SYT14: variants seen among roughly 807,000 people sequenced by gnomAD.
The protein encoded by SYT14 is synaptotagmin 14.
In SYT14, 32 loss-of-function variants were observed where a neutral mutation model predicts 74.2. The observed-to-expected ratio is 0.43, with a 90% CI of 0.33 to 0.58. The LOEUF is 0.58. Ranked by LOEUF, SYT14 falls within the 20% of genes least tolerant of loss-of-function variation. The pLI, the probability that SYT14 is intolerant of heterozygous loss-of-function variation, is 0.05. For missense variants in SYT14, 791 were observed against 981.8 expected (o/e 0.81, Z 2.60); for synonymous variants, 298 against 337.7 (o/e 0.88, Z 1.29).
intron 2 of SYT14, among the ~76,000 whole-genome samples, chr1:210,012,579 A>G (rs1351232656): frequency 1.3e-5 from 2 of 152,190 alleles, no homozygotes; most frequent in Non-Finnish European, 2.9e-5. Flanking sequence ...CACATTAGGG[A>G]GTACAAAGTT....
At chr1:210,013,721 C>T in exon 3 of SYT14, 1 of 1,612,836 alleles carries the variant, frequency 6.2e-7, no homozygotes, top group Non-Finnish European at 8.5e-7. Context: ...ATAAGAAGTT[C>T]TGTTTTGAAA....
intron 2 of SYT14, among the ~76,000 whole-genome samples, chr1:209,970,415 T>A (rs1415097906): frequency 6.6e-6 from 1 of 152,098 alleles, no homozygotes; most frequent in Non-Finnish European, 1.5e-5. Context: ...GTCCTCTTGG[T>A]CTATGTGTCT....
chr1:210,092,746 T>G (rs2081898110), intron 5 of SYT14, among the ~76,000 whole-genome samples: 1 of 152,226 alleles, frequency 6.6e-6, no homozygotes, highest in African/African-American at 2.4e-5. Flanking sequence ...CGGCCCTCCA[T>G]GTCTGTAGGT....
At chr1:210,100,264 G>A in exon 7 of SYT14, 1 of 1,614,074 alleles carries the variant, frequency 6.2e-7, no homozygotes, top group Non-Finnish European at 8.5e-7. Context: ...ACCATGCCCT[G>A]TCTTCACAGA....
At chr1:210,006,733 A>G (rs1354747808) in intron 2 of SYT14, among the ~76,000 whole-genome samples, 1 of 151,932 alleles carries the variant, frequency 6.6e-6, no homozygotes, top group Non-Finnish European at 1.5e-5. Flanking sequence ...TGCATTTAAG[A>G]TATAATGAAT....
At chr1:210,154,692 T>C (rs532908844) in intron 7 of SYT14, among the ~76,000 whole-genome samples, 2 of 152,190 alleles carry the variant, frequency 1.3e-5, no homozygotes, top group South Asian at 4.1e-4. Flanking sequence ...TATGGGTTAC[T>C]AAAAGTATAC....
At chr1:209,938,324 TG>T in intron 1 of SYT14, 47 bp downstream of exon 1, 1 of 1,525,324 alleles carries the variant, frequency 6.6e-7, no homozygotes, top group Non-Finnish European at 8.9e-7. Context: ...ACCACCCAGC[TG>T]GCGGGGGGCT....
At chr1:210,101,792 C>T (rs2082071959) in intron 7 of SYT14, among the ~76,000 whole-genome samples, 1 of 151,948 alleles carries the variant, frequency 6.6e-6, no homozygotes, top group Admixed American at 6.6e-5. Context: ...ACTAGTTACT[C>T]TGTGGAAAAT....
intron 8 of SYT14, 43 bp downstream of exon 7, chr1:210,155,953 T>A (rs1429703544): frequency 6.3e-7 from 1 of 1,577,718 alleles, no homozygotes; most frequent in South Asian, 1.1e-5. Context: ...TTTTCTGCAC[T>A]TTTGGGACTC....
intron 7 of SYT14, among the ~76,000 whole-genome samples, chr1:210,115,352 G>T (rs1179451952): frequency 6.7e-6 from 1 of 150,114 alleles, no homozygotes; most frequent in Admixed American, 6.6e-5. Flanking sequence ...ACAGAGAGAA[G>T]GGTTGGGGGG....
At chr1:210,131,169 T>C (rs1350936868) in intron 7 of SYT14, among the ~76,000 whole-genome samples, 1 of 152,200 alleles carries the variant, frequency 6.6e-6, no homozygotes, top group African/African-American at 2.4e-5. Flanking sequence ...TAAATAATAG[T>C]TGTGTTAATA....
intron 7 of SYT14, among the ~76,000 whole-genome samples, chr1:210,124,253 A>T (rs1271993315): frequency 1.3e-5 from 2 of 151,576 alleles, no homozygotes; most frequent in Non-Finnish European, 1.5e-5. Context: ...TGAAAAAAAA[A>T]AATAAATAAA....
intron 3 of SYT14, among the ~76,000 whole-genome samples, chr1:210,015,247 A>G (rs2080159656): frequency 6.6e-6 from 1 of 152,136 alleles, no homozygotes; most frequent in South Asian, 2.1e-4. Flanking sequence ...GCCTCTGGAT[A>G]ACTCCAGTGT....
At chr1:210,003,768 C>T (rs1176374705) in intron 2 of SYT14, among the ~76,000 whole-genome samples, 2 of 152,110 alleles carry the variant, frequency 1.3e-5, no homozygotes, top group East Asian at 3.9e-4. Context: ...GCATTATATT[C>T]TTTAGCAGGA....
chr1:209,990,019 A>G (rs936518453), intron 2 of SYT14, among the ~76,000 whole-genome samples: 1 of 152,190 alleles, frequency 6.6e-6, no homozygotes, highest in African/African-American at 2.4e-5. Flanking sequence ...AAATTAGCAT[A>G]TAAATCAATT....
intron 5 of SYT14, among the ~76,000 whole-genome samples, chr1:210,053,324 G>A (rs1392518217): frequency 6.6e-6 from 1 of 152,180 alleles, no homozygotes; most frequent in Admixed American, 6.5e-5. Flanking sequence ...GAAGCAACAG[G>A]TGGTTTGTGT....
chr1:210,022,201 A>G (rs1189587573), intron 5 of SYT14, among the ~76,000 whole-genome samples: 1 of 152,190 alleles, frequency 6.6e-6, no homozygotes, highest in Non-Finnish European at 1.5e-5. Flanking sequence ...TTATCCCAGC[A>G]TGTACAGTTG....
At chr1:210,057,056 G>A (rs1471763992) in intron 5 of SYT14, among the ~76,000 whole-genome samples, 2 of 151,958 alleles carry the variant, frequency 1.3e-5, no homozygotes, top group South Asian at 4.1e-4. Context: ...TGTTGGCCAG[G>A]TTGGTCTGGA....
intron 5 of SYT14, among the ~76,000 whole-genome samples, chr1:210,093,950 G>A (rs546407906): frequency 1.3e-5 from 2 of 152,110 alleles, no homozygotes; most frequent in African/African-American, 4.8e-5. Context: ...TATTTGTATC[G>A]CTTTGACCCT....
Sources: gnomAD v4.1 joint callset for allele counts (sites outside exome capture counted in the v4.1 genomes callset) on GRCh38, gnomAD v4.1.1 for gene constraint, MANE v1.5 for transcripts, NCBI Gene and HGNC (gene_info 2026-07-23, HGNC 2026-07-21) for gene names.